The following CCDC171 variants were observed in gnomAD, a reference collection of about 807,000 sequenced individuals.
CCDC171 encodes coiled-coil domain containing 171.
In CCDC171, 177 loss-of-function variants were observed where a neutral mutation model predicts 168.2. That is an observed-to-expected ratio of 1.05 (90% CI 0.93 to 1.19). CCDC171 has a LOEUF of 1.19. CCDC171 is among the 50% of genes most tolerant of loss of function. The pLI, the probability that CCDC171 is intolerant of heterozygous loss-of-function variation, is 0.00. For missense variants in CCDC171, 1,991 were observed against 1,539.0 expected (o/e 1.29, Z -4.91); for synonymous variants, 687 against 540.8 (o/e 1.27, Z -3.75).
intron 3 of CCDC171, among the ~76,000 whole-genome samples, chr9:15,986,853 G>C (rs569285487): frequency 1.6e-4 from 25 of 152,220 alleles, no homozygotes; most frequent in Non-Finnish European, 2.9e-4. Context: ...AGTAGTAATA[G>C]AAATATTATG....
intron 10 of CCDC171, among the ~76,000 whole-genome samples, chr9:15,680,874 G>T (rs779597956): frequency 2.0e-5 from 3 of 152,076 alleles, no homozygotes; most frequent in Non-Finnish European, 2.9e-5. Context: ...ATAAGCCAGG[G>T]TTATAACTAA....
chr9:15,991,185 T>G (rs1413060370), intron 3 of CCDC171, among the ~76,000 whole-genome samples: 3 of 152,118 alleles, frequency 2.0e-5, no homozygotes, highest in East Asian at 3.9e-4. Context: ...CGTAAAGCAC[T>G]CCACAGCAAA....
chr9:15,573,903 AT>A (rs1324863665), intron 3 of CCDC171, among the ~76,000 whole-genome samples: 2 of 152,040 alleles, frequency 1.3e-5, no homozygotes, highest in Non-Finnish European at 2.9e-5. Flanking sequence ...TCTACAAAAA[AT>A]AAAATAAAAA....
At chr9:16,000,717 A>G in intron 3 of CCDC171, among the ~76,000 whole-genome samples, 1 of 141,832 alleles carries the variant, frequency 7.1e-6, no homozygotes, top group East Asian at 2.4e-4. Context: ...CTTCTCGTTA[A>G]TAAGAAGAGA....
At chr9:15,612,234 C>T (rs1564049368) in intron 6 of CCDC171, among the ~76,000 whole-genome samples, 1 of 152,164 alleles carries the variant, frequency 6.6e-6, no homozygotes, top group Non-Finnish European at 1.5e-5. Context: ...GCTTTTGTGG[C>T]TGTAAATCAG....
rs190923411 is a variant in CCDC171, at chr9:15,620,442, T to C, written c.676-2825T>C. On this transcript the variant is annotated intron_variant, in intron 6 of 25. Transcript: ENST00000380701. ...TAGACTTCAGTGGAATAAGTTACTG[T>C]AGGTTAGAAATAGCAAGATAATTAG... 5.6e-4 allele frequency among the ~76,000 whole-genome samples: 86 copies of C among 152,238 alleles called. 1 individual carries two copies. Among genetic ancestry groups the C allele is most frequent in the Non-Finnish European group, 1.6e-4 (11 of 68,014 alleles).
chr9:16,027,186 A>G (rs1833291689), intron 6 of CCDC171, among the ~76,000 whole-genome samples: 1 of 152,228 alleles, frequency 6.6e-6, no homozygotes, highest in Non-Finnish European at 1.5e-5. Flanking sequence ...TGTGCTTATT[A>G]TCTTTTCTCT....
chr9:16,086,874 A>G, the CCDC171 span, among the ~76,000 whole-genome samples: 3 of 152,230 alleles, frequency 2.0e-5, no homozygotes, highest in Admixed American at 6.5e-5. Context: ...ATTTAGTGCT[A>G]TAAATTTCCC....
chr9:15,727,125 G>A (rs751080993), intron 14 of CCDC171, among the ~76,000 whole-genome samples: 131 of 152,022 alleles, frequency 8.6e-4, no homozygotes, highest in Non-Finnish European at 1.8e-3. Flanking sequence ...GGACATTTTC[G>A]AAAGTATGTA....
chr9:15,864,617 T>C lies in CCDC171; in HGVS notation c.3469-9915T>C, dbSNP rs560835701. Among the ~76,000 whole-genome samples, 8 of 152,232 alleles carry C rather than the reference T, an allele frequency of 5.3e-5. No homozygotes were observed. The South Asian group carries it at 1.4e-3, about 28-fold the overall frequency. ...TAGAGCTTCTCCAAATGTGCCTAAG[T>C]ATTTCTATTGTGTGGGGTAAAGGGA... On this transcript the variant is annotated intron_variant, in intron 23 of 25. Transcript: ENST00000380701.
intron 3 of CCDC171, among the ~76,000 whole-genome samples, chr9:16,005,400 T>G (rs971854958): frequency 1.3e-5 from 2 of 152,208 alleles, no homozygotes. Flanking sequence ...CATTCATCAG[T>G]TGATGGACAT....
At chr9:16,099,980 C>G in the CCDC171 span, among the ~76,000 whole-genome samples, 1 of 150,684 alleles carries the variant, frequency 6.6e-6, no homozygotes, top group African/African-American at 2.5e-5. Flanking sequence ...GAAACCAACG[C>G]TGTATGGAGA....
At chr9:15,793,551 G>GTTTTTTTTTTTTTTTTTTTTT (rs3082839) in intron 21 of CCDC171, among the ~76,000 whole-genome samples, 1 of 77,060 alleles carries the variant, frequency 1.3e-5, no homozygotes, top group African/African-American at 6.4e-5. Context: ...TTATTCCAAG[G>GTTTTTTTTTTTTTTTTTTTTT]TTTTTTTTTT....
chr9:15,824,205 C>G (rs1419253737), intron 21 of CCDC171, among the ~76,000 whole-genome samples: 1 of 151,932 alleles, frequency 6.6e-6, no homozygotes. Context: ...TCCACATACT[C>G]AGTATATGTA....
intron 4 of CCDC171, among the ~76,000 whole-genome samples, chr9:15,581,668 C>G (rs2041129346): frequency 6.6e-6 from 1 of 152,030 alleles, no homozygotes; most frequent in South Asian, 2.1e-4. Context: ...CTGACAAAAA[C>G]AAGCAATGGG....
Position 15,727,733 on chromosome 9 carries a change from TTAAAA to T in CCDC171, c.1693-133_1693-129del, listed in dbSNP as rs2053899874. ...TTAGTTTTGATTATAAAAAAAGTCA[TTAAAA>T]TATTCTGAGACTTGAGTATTGTAAT... is the stretch of plus-strand genomic sequence containing the variant. On this transcript the variant is annotated intron_variant, in intron 14 of 25. Transcript: ENST00000380701. 1.5e-5 allele frequency: 9 copies of T among 589,692 alleles called. No homozygotes were observed. The South Asian group carries it at 3.7e-4, about 24-fold the overall frequency. The allele number at this position is 589,692 out of a possible 1,614,324, so 36.5% of individuals were successfully genotyped here. A position where few individuals can be genotyped will look rare whatever the true frequency, so the allele number is the denominator to read the frequency against.
intron 24 of CCDC171, among the ~76,000 whole-genome samples, chr9:15,905,547 T>C (rs1345039666): frequency 6.6e-6 from 1 of 151,834 alleles, no homozygotes; most frequent in Non-Finnish European, 1.5e-5. Flanking sequence ...GTTTATAGCA[T>C]TAAATGCCCA....
intron 25 of CCDC171, among the ~76,000 whole-genome samples, chr9:15,940,955 C>G (rs1298998691): frequency 6.6e-6 from 1 of 151,886 alleles, no homozygotes; most frequent in East Asian, 1.9e-4. Flanking sequence ...TGGTAGTTCC[C>G]ACGACTGTAA....
At chr9:15,854,328 G>T (rs778998654) in intron 23 of CCDC171, among the ~76,000 whole-genome samples, 130 of 151,332 alleles carry the variant, frequency 8.6e-4, no homozygotes, top group Non-Finnish European at 1.7e-3. Context: ...TTGGTAGTTT[G>T]TGTGTTTCTA....
Sources: gnomAD v4.1 joint callset for allele counts (sites outside exome capture counted in the v4.1 genomes callset) on GRCh38, gnomAD v4.1.1 for gene constraint, MANE v1.5 for transcripts, NCBI Gene and HGNC (gene_info 2026-07-23, HGNC 2026-07-21) for gene names.